NTN1: variants seen among roughly 807,000 people sequenced by gnomAD.
The protein encoded by NTN1 is netrin 1.
Under a neutral mutation model 54.2 loss-of-function variants are expected in NTN1, and 11 were observed. The observed-to-expected ratio is 0.20, with a 90% confidence interval of 0.13 to 0.34. The LOEUF (loss-of-function observed/expected upper bound fraction) is 0.34, where lower values mean the gene tolerates loss of function less well. Ranked by LOEUF, NTN1 falls within the 10% of genes least tolerant of loss-of-function variation. The pLI is 1.00. For missense variants in NTN1, 740 were observed against 893.1 expected, an observed-to-expected ratio of 0.83 and a Z score of 2.18; for synonymous variants, 371 against 382.0, an observed-to-expected ratio of 0.97 and a Z score of 0.33.
At chr17:9,120,760 G>A (rs889330797) in intron 2 of NTN1, among the ~76,000 whole-genome samples, 1 of 152,226 alleles carries the variant, frequency 6.6e-6, no homozygotes, top group Non-Finnish European at 1.5e-5. Context: ...GCGTCATAGC[G>A]ACATGGTCTG....
chr17:9,069,878 G>T (rs569534414), intron 2 of NTN1, among the ~76,000 whole-genome samples: 1 of 152,150 alleles, frequency 6.6e-6, no homozygotes, highest in Non-Finnish European at 1.5e-5. Context: ...CCAAGACCCC[G>T]TGTCACAGCA....
intron 1 of NTN1, among the ~76,000 whole-genome samples, chr17:9,021,910 C>T (rs2091849736): frequency 6.6e-6 from 1 of 152,230 alleles, no homozygotes; most frequent in East Asian, 1.9e-4. Context: ...GGGACGCGAT[C>T]GGGGGGCATC....
chr17:9,220,943 C>T (rs973143604), intron 5 of NTN1, among the ~76,000 whole-genome samples: 24 of 90,538 alleles, frequency 2.7e-4, no homozygotes, highest in Middle Eastern at 5.2e-3. Flanking sequence ...CTGAGGGATT[C>T]GTCAGGCCAG....
intron 5 of NTN1, among the ~76,000 whole-genome samples, chr17:9,189,204 C>T (rs1904384306): frequency 6.6e-6 from 1 of 152,296 alleles, no homozygotes; most frequent in Non-Finnish European, 1.5e-5. Context: ...GTCATCTCCC[C>T]CCGACCCCTG....
chr17:9,162,235 G>A (rs62067002), intron 2 of NTN1, among the ~76,000 whole-genome samples: 2,912 of 152,290 alleles, frequency 0.019, 42 homozygotes, highest in Non-Finnish European at 0.026. Flanking sequence ...GCTGGCAGCA[G>A]GGGCCTCAGT....
chr17:9,243,602 G>GTACT lies in NTN1; in HGVS notation c.*3636_*3639dup, dbSNP rs1019096997. ...GGCACACCGGGGGGGATCAAAATGT[G>GTACT]TACTTGTGGGGTCTCGCCCCTTGCC... On this transcript the variant is annotated 3_prime_UTR_variant, in exon 7 of 7. Coordinates refer to ENST00000173229, the MANE Select transcript of NTN1 (RefSeq NM_004822.3). 21 of 152,196 alleles carry GTACT rather than the reference G, an allele frequency of 1.4e-4. No individual in the cohort carries two copies. The highest frequency in any genetic ancestry group is 5.1e-4 in the African/African-American group (21 of 41,412). The allele number at this position is 152,196 out of a possible 1,614,324, so 9.4% of individuals were successfully genotyped here.
intron 2 of NTN1, among the ~76,000 whole-genome samples, chr17:9,090,135 T>C (rs543165066): frequency 1.0e-3 from 152 of 152,022 alleles, no homozygotes; most frequent in Non-Finnish European, 1.8e-3. Flanking sequence ...ATTGATCATC[T>C]TTTGGTAGGA....
intron 5 of NTN1, among the ~76,000 whole-genome samples, chr17:9,215,531 C>G (rs527427136): frequency 3.3e-5 from 5 of 152,242 alleles, no homozygotes; most frequent in Non-Finnish European, 7.3e-5. Flanking sequence ...AAAACATTCT[C>G]AAGTATTTAT....
intron 5 of NTN1, among the ~76,000 whole-genome samples, chr17:9,187,670 A>C (rs993633935): frequency 1.7e-4 from 26 of 151,424 alleles, no homozygotes; most frequent in Non-Finnish European, 2.4e-4. Context: ...AAAAAAAAAA[A>C]AAAAAAAAAC....
At chr17:9,009,607 T>G in the NTN1 span, among the ~76,000 whole-genome samples, 3 of 152,178 alleles carry the variant, frequency 2.0e-5, no homozygotes, top group African/African-American at 7.2e-5. Flanking sequence ...TCCTCTAAAT[T>G]TTCTTTCTGT....
chr17:9,193,445 AT>A (rs1475725136), intron 5 of NTN1, among the ~76,000 whole-genome samples: 2 of 152,324 alleles, frequency 1.3e-5, no homozygotes, highest in Non-Finnish European at 2.9e-5. Flanking sequence ...ACGTTATGAC[AT>A]TTCAGCCCTA....
intron 2 of NTN1, among the ~76,000 whole-genome samples, chr17:9,061,689 TTTTTGTTTTA>T (rs761938410): frequency 2.0e-5 from 3 of 151,748 alleles, no homozygotes; most frequent in East Asian, 3.9e-4. Flanking sequence ...GTTGTTGTTG[TTTTTGTTTTA>T]TTTTGTTTTG....
chr17:9,215,904 C>T (rs1905207787), intron 5 of NTN1, among the ~76,000 whole-genome samples: 1 of 152,154 alleles, frequency 6.6e-6, no homozygotes, highest in African/African-American at 2.4e-5. Flanking sequence ...AATTTATTCT[C>T]CATGTTTCTG....
rs1032542415 is a variant in NTN1 at position 9,226,411 on chromosome 17, C to T, written c.1486+5169C>T. ...GGCACCGTGTCTAAGGGGTGGGGGCCGTGGGGAGGCGGTCTCGTGGGGAGG... is the reference window on the plus strand; with the variant it reads ...GGCACCGTGTCTAAGGGGTGGGGGCTGTGGGGAGGCGGTCTCGTGGGGAGG... On this transcript the variant is annotated intron_variant, in intron 6 of 6. Transcript: ENST00000173229. Among the ~76,000 whole-genome samples the T allele has an allele frequency of 6.9e-5, 10 of 145,530 alleles. 1 individual carries two copies. Among genetic ancestry groups the T allele is most frequent in the South Asian group, 4.4e-4 (2 of 4,514 alleles).
At chr17:9,195,552 G>A (rs1031626379) in intron 5 of NTN1, among the ~76,000 whole-genome samples, 2 of 152,274 alleles carry the variant, frequency 1.3e-5, no homozygotes, top group East Asian at 3.9e-4. Context: ...GTGGGGCAGT[G>A]CAGGCTGTGG....
intron 2 of NTN1, among the ~76,000 whole-genome samples, chr17:9,039,635 A>G (rs1418582980): frequency 6.6e-6 from 1 of 152,136 alleles, no homozygotes; most frequent in Admixed American, 6.5e-5. Context: ...TCAGCCCAAA[A>G]TGTTCCTGCT....
chr17:9,066,636 A>T (rs1486116849), intron 2 of NTN1, among the ~76,000 whole-genome samples: 1 of 151,508 alleles, frequency 6.6e-6, no homozygotes, highest in African/African-American at 2.4e-5. Context: ...TCAAAGAAAA[A>T]AAAATTCAAT....
At chr17:9,063,629 G>A (rs900373136) in intron 2 of NTN1, among the ~76,000 whole-genome samples, 12 of 151,384 alleles carry the variant, frequency 7.9e-5, no homozygotes, top group Admixed American at 2.0e-4. Context: ...CTCACTGCAA[G>A]CTCTGCCTCC....
chr17:9,106,804 C>G (rs1004287556), intron 2 of NTN1, among the ~76,000 whole-genome samples: 5 of 152,244 alleles, frequency 3.3e-5, no homozygotes, highest in South Asian at 2.1e-4. Context: ...TATTAGCCAC[C>G]ACACTGGGCC....
Sources: gnomAD v4.1 joint callset for allele counts (sites outside exome capture counted in the v4.1 genomes callset) on GRCh38, gnomAD v4.1.1 for gene constraint, MANE v1.5 for transcripts, NCBI Gene and HGNC (gene_info 2026-07-23, HGNC 2026-07-21) for gene names.